Variants in IL18R1 observed in about 807,000 individuals in gnomAD.
The protein encoded by IL18R1 is interleukin-18 receptor 1.
Under a neutral mutation model 48.5 loss-of-function variants are expected in IL18R1, and 40 were observed. The ratio of observed to expected loss-of-function variants is 0.82; its 90% CI spans 0.64 to 1.07. The LOEUF is 1.07. IL18R1 is among the 50% of genes least tolerant of loss of function. The probability of loss-of-function intolerance (pLI) is 0.00; values close to 1 mark genes in which losing one functional copy is unlikely to be tolerated. For missense variants in IL18R1, 596 were observed against 633.7 expected, an observed-to-expected ratio of 0.94 and a Z score of 0.64; for synonymous variants, 232 against 225.9, an observed-to-expected ratio of 1.03 and a Z score of -0.24.
chr2:102,361,466 G>A (rs1678568145), intron 1 of IL18R1, among the ~76,000 whole-genome samples: 2 of 152,208 alleles, frequency 1.3e-5, no homozygotes, highest in South Asian at 4.1e-4. Flanking sequence ...CTGTTTTTAG[G>A]ATGGAAGATG....
At chr2:102,390,768 C>T (rs959535791) in intron 9 of IL18R1, among the ~76,000 whole-genome samples, 1 of 151,712 alleles carries the variant, frequency 6.6e-6, no homozygotes, top group African/African-American at 2.4e-5. Context: ...CCTGTCTCTA[C>T]TAAAAATACA....
In IL18R1 at chr2:102,396,840, C is replaced by A. The variant is rs370241095; in HGVS notation, c.1580C>A (p.Pro527Gln). The A allele has an allele frequency of 8.7e-6, 14 of 1,605,498 alleles. No individual in the cohort carries two copies. Among genetic ancestry groups the A allele is most frequent in the Admixed American group, 1.7e-5 (1 of 57,766 alleles). ...LYLMPAKTVK[P>Q]GRDEPEVLPV... ...TTAATGCCTGCAAAAACAGTCAAGC[C>A]AGGTAGAGACGAACCGGAAGTCTTG... The change falls in exon 11 of 11, where the codon CCA (proline) becomes CAA (glutamine). Residue 527 changes from proline (P) to glutamine (Q), a missense_variant. This residue lies in a region of IL18R1 where 179 missense variants were observed against 206.1 expected (regional missense o/e 0.87). Transcript: ENST00000233957.
chr2:102,377,094 G>C (rs1679632847), intron 5 of IL18R1, among the ~76,000 whole-genome samples: 1 of 152,174 alleles, frequency 6.6e-6, no homozygotes, highest in Non-Finnish European at 1.5e-5. Flanking sequence ...TAACACTTGT[G>C]TGGGTGGCTT....
chr2:102,371,672 A>T (rs530889039), intron 3 of IL18R1, among the ~76,000 whole-genome samples: 1 of 152,054 alleles, frequency 6.6e-6, no homozygotes, highest in East Asian at 1.9e-4. Context: ...TCCATAATAT[A>T]TTGTCTGCAG....
At chr2:102,361,999 C>A (rs3755276) in intron 1 of IL18R1, among the ~76,000 whole-genome samples, 2 of 152,044 alleles carry the variant, frequency 1.3e-5, no homozygotes, top group Non-Finnish European at 2.9e-5. Flanking sequence ...CACAGACACA[C>A]GCGAACACAT....
intron 6 of IL18R1, among the ~76,000 whole-genome samples, chr2:102,384,330 T>C (rs1680099432): frequency 6.6e-6 from 1 of 152,206 alleles, no homozygotes; most frequent in Non-Finnish European, 1.5e-5. Context: ...TGCAAGCCTG[T>C]GCAGCTGCCG....
At chr2:102,364,709 A>G (rs974351711) in intron 2 of IL18R1, among the ~76,000 whole-genome samples, 1 of 152,210 alleles carries the variant, frequency 6.6e-6, no homozygotes, top group African/African-American at 2.4e-5. Context: ...ATAAAGGCAT[A>G]CTTGAGACTG....
rs1680936130 is a variant in IL18R1, at chr2:102,398,594, A to G, written c.*1708A>G. On this transcript the variant is annotated 3_prime_UTR_variant, in exon 11 of 11. Coordinates refer to ENST00000233957, the MANE Select transcript of IL18R1 (RefSeq NM_003855.5). ...AACATATATAATCAAAATAGATTTC[A>G]TTGCTATTGCATAGTCTCTAATACA... The G allele has an allele frequency of 2.6e-5, 4 of 152,280 alleles. No homozygotes were observed. Among genetic ancestry groups the G allele is most frequent in the African/African-American group, 4.8e-5 (2 of 41,470 alleles). The allele number at this position is 152,280 out of a possible 1,614,324, so 9.4% of individuals were successfully genotyped here.
At chr2:102,393,932 C>T (rs1213935160) in intron 9 of IL18R1, among the ~76,000 whole-genome samples, 2 of 152,090 alleles carry the variant, frequency 1.3e-5, no homozygotes, top group African/African-American at 4.8e-5. Context: ...TTGTCTGTAA[C>T]TTTTTCCAAG....
chr2:102,371,711 G>A (rs1679273082), intron 3 of IL18R1, among the ~76,000 whole-genome samples: 1 of 152,174 alleles, frequency 6.6e-6, no homozygotes, highest in East Asian at 1.9e-4. Flanking sequence ...GCGTGTGCAT[G>A]TGTGTGTCTC....
chr2:102,378,946 G>A (rs559949115), intron 5 of IL18R1, among the ~76,000 whole-genome samples: 9 of 152,302 alleles, frequency 5.9e-5, no homozygotes, highest in South Asian at 4.1e-4. Context: ...TTCTGAGCTC[G>A]TGCCTTCTCC....
chr2:102,366,956 G>A (rs576980744), intron 2 of IL18R1, among the ~76,000 whole-genome samples: 18 of 152,260 alleles, frequency 1.2e-4, no homozygotes, highest in African/African-American at 3.9e-4. Context: ...CTATAGAGAA[G>A]GCATTCTGTC....
chr2:102,382,509 T>C (rs1447094201), intron 6 of IL18R1, among the ~76,000 whole-genome samples: 10 of 152,208 alleles, frequency 6.6e-5, no homozygotes, highest in Non-Finnish European at 1.3e-4. Context: ...AATTCACATA[T>C]GCTAAATATG....
intron 3 of IL18R1, among the ~76,000 whole-genome samples, chr2:102,370,360 A>T (rs1679180445): frequency 6.6e-6 from 1 of 152,248 alleles, no homozygotes. Flanking sequence ...AACAAGTCAT[A>T]GAGATCCAGA....
chr2:102,371,114 T>A (rs1361519722), intron 3 of IL18R1, among the ~76,000 whole-genome samples: 1 of 151,792 alleles, frequency 6.6e-6, no homozygotes, highest in Admixed American at 6.6e-5. Context: ...TGGAGTGCAA[T>A]GGCGCGATCT....
At chr2:102,388,635 C>T (rs1016006603) in intron 8 of IL18R1, among the ~76,000 whole-genome samples, 1 of 152,198 alleles carries the variant, frequency 6.6e-6, no homozygotes, top group African/African-American at 2.4e-5. Flanking sequence ...AGTCAATTCT[C>T]CTGCTGCTGC....
At chr2:102,369,397 C>A (rs1391089225) in intron 3 of IL18R1, among the ~76,000 whole-genome samples, 1 of 152,150 alleles carries the variant, frequency 6.6e-6, no homozygotes, top group Non-Finnish European at 1.5e-5. Context: ...ACAATGGAAG[C>A]AAGAGATTGA....
At chr2:102,356,915 A>AGGG (rs1678284299) in intron 1 of IL18R1, among the ~76,000 whole-genome samples, 1 of 152,180 alleles carries the variant, frequency 6.6e-6, no homozygotes, top group African/African-American at 2.4e-5. Context: ...AGCACCTTGC[A>AGGG]TCGCAGTTAT....
intron 8 of IL18R1, among the ~76,000 whole-genome samples, chr2:102,387,848 C>A (rs1473556878): frequency 6.6e-6 from 1 of 151,336 alleles, no homozygotes; most frequent in Non-Finnish European, 1.5e-5. Flanking sequence ...GACAAACAGA[C>A]AACTCTAGAG....
Sources: allele counts gnomAD v4.1 joint callset (sites outside exome capture counted in the v4.1 genomes callset), GRCh38; gene constraint gnomAD v4.1.1; regional missense constraint gnomAD v4.1.1; transcripts MANE v1.5; gene names NCBI Gene and HGNC (gene_info 2026-07-23, HGNC 2026-07-21).